ZCCHC17: variants seen among roughly 807,000 people sequenced by gnomAD.
ZCCHC17 encodes zinc finger CCHC domain-containing protein 17.
In ZCCHC17, 18 loss-of-function variants were observed where a neutral mutation model predicts 30.6. That is an observed-to-expected ratio of 0.59 (90% CI 0.41 to 0.87). The LOEUF is 0.87. ZCCHC17 is among the 40% of genes least tolerant of loss of function. ZCCHC17 has a pLI of 0.00. For synonymous variants in ZCCHC17, 88 were observed against 92.4 expected, an observed-to-expected ratio of 0.95 and a Z score of 0.27; for missense variants, 263 against 284.2, an observed-to-expected ratio of 0.93 and a Z score of 0.54.
At chr1:31,341,773 G>A (rs1639056188) in intron 5 of ZCCHC17, among the ~76,000 whole-genome samples, 1 of 152,188 alleles carries the variant, frequency 6.6e-6, no homozygotes, top group East Asian at 1.9e-4. Context: ...ATATATCTAA[G>A]GAATGCTTGA....
chr1:31,360,248 A>G (rs1016762041), intron 7 of ZCCHC17, among the ~76,000 whole-genome samples: 7 of 141,192 alleles, frequency 5.0e-5, no homozygotes, highest in African/African-American at 1.9e-4. Context: ...TGGCTCACCA[A>G]AACCTCCGCC....
chr1:31,341,572 A>T (rs1199658413), intron 5 of ZCCHC17, among the ~76,000 whole-genome samples: 2 of 152,222 alleles, frequency 1.3e-5, no homozygotes, highest in African/African-American at 2.4e-5. Context: ...CTGAAACAGT[A>T]ACTTTTGTTG....
chr1:31,322,687 C>T (rs1646887961), intron 3 of ZCCHC17, among the ~76,000 whole-genome samples: 2 of 151,334 alleles, frequency 1.3e-5, no homozygotes, highest in Non-Finnish European at 2.9e-5. Flanking sequence ...TCCAGCCCCT[C>T]TCCCCTTCCC....
At chr1:31,337,111 C>T in intron 3 of ZCCHC17, 64 bp from the exon 4 acceptor site, 2 of 1,419,512 alleles carry the variant, frequency 1.4e-6, no homozygotes, top group South Asian at 1.3e-5. Flanking sequence ...CCTTCTTATC[C>T]AGTTTAGAGT....
intron 1 of ZCCHC17, among the ~76,000 whole-genome samples, chr1:31,306,541 T>C (rs1646462846): frequency 6.6e-6 from 1 of 152,198 alleles, no homozygotes; most frequent in African/African-American, 2.4e-5. Context: ...ATGAATTGTT[T>C]ATTTCTGGAA....
chr1:31,303,668 C>G (rs1646374616), intron 1 of ZCCHC17, among the ~76,000 whole-genome samples: 1 of 151,876 alleles, frequency 6.6e-6, no homozygotes, highest in South Asian at 2.1e-4. Flanking sequence ...TTTTTTGAAA[C>G]TATCACATAA....
chr1:31,360,137 G>A (rs1969124), intron 7 of ZCCHC17, among the ~76,000 whole-genome samples: 30,246 of 151,368 alleles, frequency 0.2, 3,575 homozygotes, highest in East Asian at 0.45. Context: ...GTGCCACCAC[G>A]CCCGGCTAAT....
intron 3 of ZCCHC17, among the ~76,000 whole-genome samples, chr1:31,336,777 A>G (rs531914680): frequency 7.9e-5 from 12 of 151,192 alleles, no homozygotes; most frequent in Non-Finnish European, 1.2e-4. Flanking sequence ...CGATCCTCCC[A>G]TCTCAGCCTC....
intron 3 of ZCCHC17, among the ~76,000 whole-genome samples, chr1:31,321,555 A>G (rs1329720396): frequency 6.6e-6 from 1 of 152,098 alleles, no homozygotes; most frequent in Non-Finnish European, 1.5e-5. Flanking sequence ...GCTCACTGCA[A>G]CCTCTGCCTC....
At chr1:31,327,566 C>T (rs1281952610) in intron 3 of ZCCHC17, among the ~76,000 whole-genome samples, 1 of 152,196 alleles carries the variant, frequency 6.6e-6, no homozygotes, top group Non-Finnish European at 1.5e-5. Flanking sequence ...TGCTGTCTTG[C>T]CACATTCCAT....
At chr1:31,346,011 A>G (rs1189427281) in intron 5 of ZCCHC17, among the ~76,000 whole-genome samples, 2 of 152,220 alleles carry the variant, frequency 1.3e-5, no homozygotes, top group Admixed American at 6.5e-5. Flanking sequence ...TTAAAAGGCT[A>G]TGAGAAATGC....
intron 3 of ZCCHC17, among the ~76,000 whole-genome samples, chr1:31,323,978 CTG>C (rs10564200): frequency 0.54 from 82,364 of 151,782 alleles, 23,224 homozygotes; most frequent in Non-Finnish European, 0.62. Flanking sequence ...GAAAGAATGA[CTG>C]TATTTCTAAG....
intron 2 of ZCCHC17, among the ~76,000 whole-genome samples, chr1:31,311,487 G>T (rs1646600211): frequency 6.6e-6 from 1 of 152,200 alleles, no homozygotes; most frequent in Non-Finnish European, 1.5e-5. Flanking sequence ...AAATACCTGA[G>T]ATTGGGTAAT....
intron 2 of ZCCHC17, among the ~76,000 whole-genome samples, chr1:31,313,149 G>A (rs1646648379): frequency 6.8e-6 from 1 of 146,656 alleles, no homozygotes; most frequent in African/African-American, 2.5e-5. Flanking sequence ...GTGTGATTTG[G>A]CTAACTGCAA....
intron 4 of ZCCHC17, among the ~76,000 whole-genome samples, chr1:31,338,164 G>A (rs1194594969): frequency 1.5e-5 from 1 of 68,534 alleles, no homozygotes; most frequent in East Asian, 4.3e-4. Context: ...TAATTTTTTT[G>A]TCAAGATGGG....
intron 3 of ZCCHC17, among the ~76,000 whole-genome samples, chr1:31,320,299 C>T (rs1054483503): frequency 8.5e-5 from 13 of 152,196 alleles, no homozygotes; most frequent in South Asian, 4.1e-4. Context: ...ATTTATATAA[C>T]ATTCTTATGT....
intron 5 of ZCCHC17, among the ~76,000 whole-genome samples, chr1:31,339,261 C>T (rs1165939602): frequency 2.6e-5 from 4 of 152,172 alleles, no homozygotes; most frequent in Non-Finnish European, 5.9e-5. Flanking sequence ...TTTGGGAAGC[C>T]GAGGTGGGCG....
rs771254893 is a variant in ZCCHC17 at position 31,364,396 on chromosome 1, A to G, written c.*203A>G. On this transcript the variant is annotated 3_prime_UTR_variant, in exon 8 of 8. Transcript: ENST00000344147. ...TGCCTGAATGAGTTGTTGTTTCCTTATCACTCCTGGTCCCTTTGCAAGTGA... is the reference window on the plus strand; with the variant it reads ...TGCCTGAATGAGTTGTTGTTTCCTTGTCACTCCTGGTCCCTTTGCAAGTGA... The G allele has an allele frequency of 3.4e-6, 3 of 890,238 alleles. No individual in the cohort carries two copies. The highest frequency in any genetic ancestry group is 3.0e-5 in the Admixed American group (1 of 33,770). The allele number at this position is 890,238 out of a possible 1,614,324, so 55.1% of individuals were successfully genotyped here.
intron 5 of ZCCHC17, among the ~76,000 whole-genome samples, chr1:31,343,964 C>T (rs552828268): frequency 6.7e-6 from 1 of 149,430 alleles, no homozygotes; most frequent in South Asian, 2.1e-4. Flanking sequence ...AAGCAATTCT[C>T]CTGCCTCAGC....
Sources: gnomAD v4.1 joint callset for allele counts (sites outside exome capture counted in the v4.1 genomes callset) on GRCh38, gnomAD v4.1.1 for gene constraint, MANE v1.5 for transcripts, NCBI Gene and HGNC (gene_info 2026-07-23, HGNC 2026-07-21) for gene names.